BLNK: variants seen among roughly 807,000 people sequenced by gnomAD.
BLNK encodes the protein B cell linker, also known as B-cell linker protein.
In BLNK, 29 loss-of-function variants were observed where a neutral mutation model predicts 73.5. The ratio of observed to expected loss-of-function variants is 0.39; its 90% CI spans 0.29 to 0.54. BLNK has a LOEUF of 0.54. BLNK is among the 20% of genes least tolerant of loss of function. The pLI is 0.61. For missense variants in BLNK, 460 were observed against 562.8 expected (o/e 0.82, Z 1.85); for synonymous variants, 176 against 200.8 (o/e 0.88, Z 1.04).
At chr10:96,216,129 A>G (rs1246143828) in intron 7 of BLNK, 1 of 179,864 alleles carries the variant, frequency 5.6e-6, no homozygotes, top group East Asian at 1.3e-4. Context: ...GCCTAATCTT[A>G]TGTAGCACTG....
intron 13 of BLNK, 139 bp downstream of exon 13, chr10:96,203,918 A>T: frequency 3.3e-6 from 2 of 612,352 alleles, no homozygotes; most frequent in Non-Finnish European, 5.9e-6. Flanking sequence ...CCCATTTTAC[A>T]GGTAAGGAAA....
intron 2 of BLNK, among the ~76,000 whole-genome samples, chr10:96,244,061 G>A (rs1250417265): frequency 6.6e-6 from 1 of 151,852 alleles, no homozygotes; most frequent in Non-Finnish European, 1.5e-5. Context: ...AACCAAAATT[G>A]TAATTTGCAA....
At chr10:96,209,721 T>C in intron 9 of BLNK, 117 bp downstream of exon 9, 1 of 1,265,940 alleles carries the variant, frequency 7.9e-7, no homozygotes, top group Non-Finnish European at 1.2e-6. Context: ...CTCCTTACTC[T>C]TGGTCCAAGT....
At chr10:96,216,528 T>C in intron 7 of BLNK, 125 bp downstream of exon 7, 1 of 811,066 alleles carries the variant, frequency 1.2e-6, no homozygotes, top group Non-Finnish European at 2.1e-6. Context: ...GCACACACTG[T>C]GGCCCAGGGG....
intron 16 of BLNK, among the ~76,000 whole-genome samples, chr10:96,192,966 A>G (rs1159804252): frequency 5.9e-5 from 9 of 152,208 alleles, no homozygotes; most frequent in African/African-American, 2.2e-4. Context: ...GATAAAGACA[A>G]ACATCCACAG....
intron 13 of BLNK, 88 bp from the exon 14 acceptor site, chr10:96,201,146 G>T: frequency 8.4e-7 from 1 of 1,184,914 alleles, no homozygotes; most frequent in African/African-American, 1.5e-5. Context: ...ACTAGGTGCT[G>T]CCAGGGACAC....
rs1180173645 is a variant in BLNK, at chr10:96,189,384, G to A, written c.*2589C>T. ...TCTAAAGAGACTTCCTCCACTGCCA[G>A]GATCTTGAATAGTCTCCTGGTCAGT... On this transcript the variant is annotated 3_prime_UTR_variant, in exon 17 of 17. Coordinates refer to ENST00000224337, the MANE Select transcript of BLNK (RefSeq NM_013314.4). 3.3e-5 allele frequency: 19 copies of A among 577,464 alleles called. No individual in the cohort carries two copies. Among genetic ancestry groups the A allele is most frequent in the Non-Finnish European group, 5.5e-5 (17 of 306,430 alleles). 35.8% of individuals were successfully genotyped at this position (577,464 alleles called of 1,614,324 possible).
At chr10:96,258,880 A>G (rs1843630445) in intron 1 of BLNK, among the ~76,000 whole-genome samples, 1 of 152,196 alleles carries the variant, frequency 6.6e-6, no homozygotes, top group African/African-American at 2.4e-5. Context: ...CACATAACAA[A>G]AAATTTACCA....
At chr10:96,215,188 A>T in intron 8 of BLNK, 133 bp downstream of exon 8, 1 of 981,082 alleles carries the variant, frequency 1.0e-6, no homozygotes, top group Non-Finnish European at 1.6e-6. Context: ...CAGACAGTGC[A>T]TGAGGATGAG....
chr10:96,233,617 C>G (rs1309858273), intron 3 of BLNK, among the ~76,000 whole-genome samples: 9 of 152,204 alleles, frequency 5.9e-5, no homozygotes, highest in Non-Finnish European at 1.3e-4. Flanking sequence ...TTCCTGCAGC[C>G]CATCTTCTTT....
intron 1 of BLNK, among the ~76,000 whole-genome samples, chr10:96,268,355 T>A (rs1448175156): frequency 1.3e-5 from 2 of 152,254 alleles, no homozygotes; most frequent in East Asian, 3.8e-4. Flanking sequence ...GAATGTTTAC[T>A]GTGGAACGAT....
At chr10:96,259,670 C>CTTTTTTTTTTTTTTTTTTTTTT (rs57821919) in intron 1 of BLNK, among the ~76,000 whole-genome samples, 16 of 44,870 alleles carry the variant, frequency 3.6e-4, no homozygotes, top group African/African-American at 5.8e-4. Context: ...CACACCCTAC[C>CTTTTTTTTTTTTTTTTTTTTTT]TTTTTTTTTT....
intron 4 of BLNK, among the ~76,000 whole-genome samples, chr10:96,230,207 A>G (rs1434789975): frequency 6.6e-6 from 1 of 152,196 alleles, no homozygotes; most frequent in Non-Finnish European, 1.5e-5. Context: ...CATCATGGCC[A>G]GGTCCCTCTC....
intron 4 of BLNK, among the ~76,000 whole-genome samples, chr10:96,229,225 C>G (rs587684613): frequency 6.8e-6 from 1 of 147,980 alleles, no homozygotes; most frequent in African/African-American, 2.4e-5. Context: ...TTCCCTCCCC[C>G]CACCTGCTGC....
At chr10:96,213,646 G>A (rs1202934864) in intron 8 of BLNK, among the ~76,000 whole-genome samples, 4 of 140,460 alleles carry the variant, frequency 2.8e-5, no homozygotes, top group Admixed American at 2.8e-4. Flanking sequence ...AGGAAGAGGA[G>A]GTCCTTGTAA....
intron 8 of BLNK, 87 bp from the exon 9 acceptor site, chr10:96,209,994 G>A (rs367916303): frequency 5.1e-6 from 7 of 1,377,942 alleles, no homozygotes; most frequent in Non-Finnish European, 3.1e-6. Context: ...GGCAGGCTCA[G>A]AAATATTTGC....
intron 3 of BLNK, among the ~76,000 whole-genome samples, chr10:96,241,137 CAGTGTGATA>C (rs1842869196): frequency 6.6e-6 from 1 of 152,236 alleles, no homozygotes; most frequent in Admixed American, 6.5e-5. Flanking sequence ...CAGCATTTCT[CAGTGTGATA>C]AGATTCCCTT....
At chr10:96,196,097 C>A (rs1483470810) in intron 16 of BLNK, among the ~76,000 whole-genome samples, 2 of 152,150 alleles carry the variant, frequency 1.3e-5, no homozygotes, top group Non-Finnish European at 2.9e-5. Flanking sequence ...AATGGTGTAC[C>A]TTTTTCTGAA....
In BLNK at chr10:96,200,623, G is replaced by A. The variant is rs1554895879; in HGVS notation, c.1011+359C>T. ...AAAGACTTGCCCAAGGGCACACAGA[G>A]TCCTTTCTCTGTCCCTTTATAAACT... On this transcript the variant is annotated intron_variant, in intron 14 of 16. Transcript: ENST00000224337. This position sits in a 1 kb window ranked among gnomAD's most constrained non-coding sequence, Gnocchi z 4.3. Among the ~76,000 whole-genome samples, 2 of 152,204 alleles carry A rather than the reference G, an allele frequency of 1.3e-5. No homozygotes were observed.
Sources: gnomAD v4.1 joint callset for allele counts (sites outside exome capture counted in the v4.1 genomes callset) on GRCh38, gnomAD v4.1.1 for gene constraint, Gnocchi (gnomAD v3.1) non-coding constraint, MANE v1.5 for transcripts, NCBI Gene and HGNC (gene_info 2026-07-23, HGNC 2026-07-21) for gene names.